COL24A1: variants seen among roughly 807,000 people sequenced by gnomAD.
COL24A1 encodes collagen alpha-1(XXIV) chain.
In COL24A1, 224 loss-of-function variants were observed where a neutral mutation model predicts 253.9. The observed-to-expected ratio is 0.88, with a 90% CI of 0.79 to 0.99. The LOEUF is 0.99. COL24A1 is among the 50% of genes least tolerant of loss of function. The pLI, the probability that COL24A1 is intolerant of heterozygous loss-of-function variation, is 0.00. For synonymous variants in COL24A1, 685 were observed against 673.7 expected (o/e 1.02, Z -0.26); for missense variants, 2,131 against 2,068.5 (o/e 1.03, Z -0.59).
At chr1:85,776,634 T>C (rs1044318576) in intron 52 of COL24A1, among the ~76,000 whole-genome samples, 4 of 151,992 alleles carry the variant, frequency 2.6e-5, no homozygotes, top group South Asian at 4.1e-4. Flanking sequence ...TAATATACTA[T>C]GATAATATTT....
At chr1:85,817,046 C>T in intron 46 of COL24A1, 151 bp from the exon 47 acceptor site, 1 of 610,906 alleles carries the variant, frequency 1.6e-6, no homozygotes, top group East Asian at 2.8e-5. Context: ...TAATGATTTA[C>T]TATTTGGATT....
At chr1:85,812,679 A>G (rs1192097124) in intron 47 of COL24A1, among the ~76,000 whole-genome samples, 1 of 152,252 alleles carries the variant, frequency 6.6e-6, no homozygotes, top group Non-Finnish European at 1.5e-5. Context: ...AGTTAATTAT[A>G]TTCCATGTAG....
intron 23 of COL24A1, 113 bp downstream of exon 23, chr1:85,964,896 A>G (rs1691409626): frequency 2.3e-6 from 2 of 851,828 alleles, no homozygotes; most frequent in Admixed American, 2.4e-5. Context: ...CAGTTTTAAC[A>G]TCTCACTGGT....
chr1:85,917,251 C>A (rs1398409715), intron 24 of COL24A1, among the ~76,000 whole-genome samples: 1 of 152,164 alleles, frequency 6.6e-6, no homozygotes, highest in Non-Finnish European at 1.5e-5. Flanking sequence ...TAATTTCTTA[C>A]TGGCAGAAGA....
At chr1:85,754,549 T>TAAAAAAAAAAAA (rs1665992616) in intron 55 of COL24A1, among the ~76,000 whole-genome samples, 1 of 26,398 alleles carries the variant, frequency 3.8e-5, no homozygotes, top group East Asian at 1.3e-3. Flanking sequence ...AAAAAAAAAA[T>TAAAAAAAAAAAA]TAAAAAAAAA....
At chr1:85,828,133 G>C (rs1464432922) in intron 43 of COL24A1, among the ~76,000 whole-genome samples, 1 of 151,956 alleles carries the variant, frequency 6.6e-6, no homozygotes, top group Non-Finnish European at 1.5e-5. Context: ...CTTTGTTCTT[G>C]TTGGTTTCAA....
At chr1:86,042,915 A>G (rs1004562228) in intron 12 of COL24A1, among the ~76,000 whole-genome samples, 5 of 152,330 alleles carry the variant, frequency 3.3e-5, no homozygotes, top group African/African-American at 1.2e-4. Context: ...CATATGAAAC[A>G]TGAAGCTTTA....
chr1:85,794,610 C>T (rs1670629990), intron 47 of COL24A1, among the ~76,000 whole-genome samples: 1 of 152,138 alleles, frequency 6.6e-6, no homozygotes, highest in Non-Finnish European at 1.5e-5. Flanking sequence ...AAGTAAAGAA[C>T]AAACATTTCT....
At chr1:86,067,148 GA>G (rs113420368) in intron 7 of COL24A1, among the ~76,000 whole-genome samples, 3,298 of 125,716 alleles carry the variant, frequency 0.026, 41 homozygotes, top group Middle Eastern at 0.074. Flanking sequence ...CAAAAAAGAA[GA>G]AAAAAAAAAA....
chr1:85,967,086 G>A (rs1218314250), intron 22 of COL24A1, among the ~76,000 whole-genome samples: 2 of 152,154 alleles, frequency 1.3e-5, no homozygotes, highest in African/African-American at 4.8e-5. Context: ...ACAAGTGGAA[G>A]TTTTCCTTAG....
chr1:85,856,750 C>G (rs1199099497), intron 37 of COL24A1, among the ~76,000 whole-genome samples: 1 of 152,148 alleles, frequency 6.6e-6, no homozygotes, highest in African/African-American at 2.4e-5. Flanking sequence ...TTTCTTGCCT[C>G]TTTGAATATG....
intron 34 of COL24A1, 142 bp downstream of exon 34, chr1:85,875,134 AG>A: frequency 1.4e-6 from 1 of 694,468 alleles, no homozygotes; most frequent in East Asian, 2.7e-5. Context: ...CATAAGGAAT[AG>A]GAGTTCCAAA....
intron 55 of COL24A1, among the ~76,000 whole-genome samples, chr1:85,746,593 A>G (rs1665243800): frequency 6.6e-6 from 1 of 152,186 alleles, no homozygotes; most frequent in Non-Finnish European, 1.5e-5. Flanking sequence ...GAAATTAGAG[A>G]AATTAATCAA....
At chr1:86,095,892 G>A (rs1416117479) in intron 5 of COL24A1, among the ~76,000 whole-genome samples, 2 of 152,058 alleles carry the variant, frequency 1.3e-5, no homozygotes, top group Non-Finnish European at 2.9e-5. Flanking sequence ...AAGTCTTTTA[G>A]TCCATTATTG....
intron 2 of COL24A1, among the ~76,000 whole-genome samples, chr1:86,144,279 G>A (rs1312239361): frequency 6.6e-6 from 1 of 151,898 alleles, no homozygotes; most frequent in Non-Finnish European, 1.5e-5. Flanking sequence ...TATTCCTTTT[G>A]TTGGTTCTAG....
intron 2 of COL24A1, among the ~76,000 whole-genome samples, chr1:86,145,260 T>C (rs1350222396): frequency 6.6e-6 from 1 of 152,124 alleles, no homozygotes; most frequent in Non-Finnish European, 1.5e-5. Context: ...TTCATCAAAC[T>C]GACCACTCAA....
chr1:85,979,256 C>T (rs952327917), intron 20 of COL24A1, among the ~76,000 whole-genome samples: 3 of 152,012 alleles, frequency 2.0e-5, no homozygotes, highest in Non-Finnish European at 4.4e-5. Flanking sequence ...CACAAATAGA[C>T]AATTTAAGGT....
At chr1:85,927,218 G>GTGTGC (rs200422971) in intron 24 of COL24A1, among the ~76,000 whole-genome samples, 6,420 of 152,224 alleles carry the variant, frequency 0.042, 219 homozygotes, top group African/African-American at 0.09. Flanking sequence ...AGGCCAGTGT[G>GTGTGC]TGTGCGCACC....
Position 85,849,394 on chromosome 1 carries a change from T to C in COL24A1, c.3313A>G (p.Ile1105Val), listed in dbSNP as rs781305166. ...GQTGLPGPEG[I>V]VGIPGQRGRP... Reference sequence around the variant, plus strand: ...CCTCTTTGCCCTGGAATTCCCACAATTCCTTCAGGTCCCTAAAATATTCAA... The same window carrying C: ...CCTCTTTGCCCTGGAATTCCCACAACTCCTTCAGGTCCCTAAAATATTCAA... The change falls in exon 38 of 60, where the codon ATT (isoleucine) becomes GTT (valine). Residue 1105 changes from isoleucine (I) to valine (V), a missense_variant. Ile to Val is a conservative substitution (Grantham distance 29). Transcript: ENST00000370571. The C allele has an allele frequency of 2.5e-6, 4 of 1,611,424 alleles. No homozygotes were observed. The highest frequency in any genetic ancestry group is 3.4e-6 in the Non-Finnish European group (4 of 1,178,208).
Sources: gnomAD v4.1 joint callset for allele counts (sites outside exome capture counted in the v4.1 genomes callset) on GRCh38, gnomAD v4.1.1 for gene constraint, MANE v1.5 for transcripts, NCBI Gene and HGNC (gene_info 2026-07-23, HGNC 2026-07-21) for gene names.